The following ROBO2 variants were observed in gnomAD, a reference collection of about 807,000 sequenced individuals.
ROBO2 encodes the protein roundabout guidance receptor 2.
ROBO2 carries 53 observed loss-of-function variants against 160.8 expected under a neutral mutation model. The ratio of observed to expected loss-of-function variants is 0.33; its 90% confidence interval spans 0.26 to 0.41. The LOEUF is 0.41. Ranked by LOEUF, ROBO2 falls within the 10% of genes least tolerant of loss-of-function variation. The pLI is 1.00. For missense variants in ROBO2, 1,577 were observed against 1,722.4 expected (o/e 0.92, Z 1.49); for synonymous variants, 664 against 611.7 (o/e 1.09, Z -1.26).
intron 2 of ROBO2, among the ~76,000 whole-genome samples, chr3:77,119,377 G>T (rs769858240): frequency 1.7e-4 from 26 of 152,086 alleles, no homozygotes; most frequent in African/African-American, 6.3e-4. Context: ...ATAACCTTAC[G>T]GGACTATAGT....
At chr3:76,330,188 A>G (rs934150949) in intron 2 of ROBO2, among the ~76,000 whole-genome samples, 2 of 152,210 alleles carry the variant, frequency 1.3e-5, no homozygotes, top group Non-Finnish European at 2.9e-5. Flanking sequence ...AAAGGAACAT[A>G]AAGTAAAACA....
At chr3:76,987,663 C>G (rs1046504737) in intron 2 of ROBO2, among the ~76,000 whole-genome samples, 2 of 152,116 alleles carry the variant, frequency 1.3e-5, no homozygotes, top group African/African-American at 4.8e-5. Context: ...ATTTTATGTT[C>G]AAATCAGTAA....
chr3:76,551,159 G>A (rs2083393367), intron 2 of ROBO2, among the ~76,000 whole-genome samples: 1 of 152,036 alleles, frequency 6.6e-6, no homozygotes, highest in Non-Finnish European at 1.5e-5. Flanking sequence ...TCTCCCTTCT[G>A]AGCCCATGAA....
intron 2 of ROBO2, among the ~76,000 whole-genome samples, chr3:77,383,401 A>G (rs1019474714): frequency 5.3e-5 from 8 of 152,084 alleles, no homozygotes; most frequent in Admixed American, 4.6e-4. Context: ...CAAGTTTTCC[A>G]TATTTTCCTA....
intron 2 of ROBO2, among the ~76,000 whole-genome samples, chr3:76,910,553 C>T (rs538567290): frequency 6.6e-6 from 1 of 151,568 alleles, no homozygotes; most frequent in South Asian, 2.1e-4. Flanking sequence ...TGGTGAAACC[C>T]CGTCTCTGCT....
intron 2 of ROBO2, among the ~76,000 whole-genome samples, chr3:76,335,638 C>T (rs530075685): frequency 5.3e-5 from 8 of 151,082 alleles, no homozygotes; most frequent in Admixed American, 6.6e-5. Context: ...AGTGCAGGGG[C>T]GCGATCTCGG....
intron 2 of ROBO2, among the ~76,000 whole-genome samples, chr3:76,872,557 TC>T (rs1181419379): frequency 6.6e-6 from 1 of 151,914 alleles, no homozygotes; most frequent in African/African-American, 2.4e-5. Flanking sequence ...CTTATTACAT[TC>T]CAAAAAAGGT....
chr3:76,689,216 AT>A (rs573580715), intron 2 of ROBO2, among the ~76,000 whole-genome samples: 120 of 152,102 alleles, frequency 7.9e-4, no homozygotes, highest in African/African-American at 2.7e-3. Context: ...TTATTCATGC[AT>A]TTTTTATATA....
chr3:77,237,949 G>C (rs1036215924), intron 2 of ROBO2, among the ~76,000 whole-genome samples: 1 of 152,102 alleles, frequency 6.6e-6, no homozygotes, highest in Non-Finnish European at 1.5e-5. Flanking sequence ...GATGTGCAAC[G>C]GTATCTCATT....
chr3:76,627,453 G>C (rs532281590), intron 2 of ROBO2, among the ~76,000 whole-genome samples: 1 of 152,192 alleles, frequency 6.6e-6, no homozygotes, highest in African/African-American at 2.4e-5. Flanking sequence ...TATTGTTCGC[G>C]TATGGAAGCA....
chr3:76,948,632 G>A (rs1482078754), intron 2 of ROBO2, among the ~76,000 whole-genome samples: 2 of 138,744 alleles, frequency 1.4e-5, no homozygotes, highest in Non-Finnish European at 3.1e-5. Context: ...TGTCACCCAG[G>A]CTGGATTTTG....
intron 2 of ROBO2, among the ~76,000 whole-genome samples, chr3:76,633,445 A>T (rs929785172): frequency 1.3e-5 from 2 of 152,176 alleles, no homozygotes; most frequent in African/African-American, 4.8e-5. Flanking sequence ...AATGAATGAA[A>T]GCAAAATGTC....
Position 76,022,043 on chromosome 3 carries a change from T to C in ROBO2, c.109+84441T>C, listed in dbSNP as rs144392277. Among the ~76,000 whole-genome samples, 265 of 151,934 alleles carry C rather than the reference T, an allele frequency of 1.7e-3. 1 individual carries two copies. The highest frequency in any genetic ancestry group is 3.0e-3 in the Non-Finnish European group (206 of 67,780). ...CTGTAATATTCTAAATTCTTTGTTG[T>C]TATTTCAAGAATGTTTACAGCATCA... On this transcript the variant is annotated intron_variant, in intron 2 of 26. Transcript: ENST00000487694.
intron 2 of ROBO2, among the ~76,000 whole-genome samples, chr3:75,950,406 T>C (rs1406106892): frequency 6.6e-6 from 1 of 152,026 alleles, no homozygotes; most frequent in African/African-American, 2.4e-5. Flanking sequence ...GCTTAATAAG[T>C]AGAGGGAGAA....
At chr3:77,391,998 A>G (rs1214023992) in intron 2 of ROBO2, among the ~76,000 whole-genome samples, 1 of 152,198 alleles carries the variant, frequency 6.6e-6, no homozygotes, top group Non-Finnish European at 1.5e-5. Context: ...GCCATGCATA[A>G]CAGATCTGTG....
intron 2 of ROBO2, among the ~76,000 whole-genome samples, chr3:76,600,487 A>G (rs1348931566): frequency 6.6e-6 from 1 of 152,160 alleles, no homozygotes; most frequent in African/African-American, 2.4e-5. Flanking sequence ...CATGGCTCGG[A>G]AGGCCTCACA....
intron 2 of ROBO2, among the ~76,000 whole-genome samples, chr3:77,013,943 T>C (rs2062067930): frequency 6.6e-6 from 1 of 152,342 alleles, no homozygotes; most frequent in Admixed American, 6.5e-5. Context: ...TCTCATTTTC[T>C]TCATTTTTCA....
intron 2 of ROBO2, among the ~76,000 whole-genome samples, chr3:76,040,769 C>T (rs1250372636): frequency 6.6e-6 from 1 of 152,022 alleles, no homozygotes; most frequent in African/African-American, 2.4e-5. Flanking sequence ...GGGTGGATCA[C>T]CTGAGGTCAG....
intron 2 of ROBO2, among the ~76,000 whole-genome samples, chr3:76,936,832 C>CT (rs2077734126): frequency 6.6e-6 from 1 of 151,106 alleles, no homozygotes; most frequent in African/African-American, 2.4e-5. Flanking sequence ...ACCTTAGTTC[C>CT]TTTTGTTAAT....
Sources: allele counts gnomAD v4.1 joint callset (sites outside exome capture counted in the v4.1 genomes callset), GRCh38; gene constraint gnomAD v4.1.1; transcripts MANE v1.5; gene names NCBI Gene and HGNC (gene_info 2026-07-23, HGNC 2026-07-21).